CACNA1H: variants seen among roughly 807,000 people sequenced by gnomAD.
CACNA1H encodes the protein voltage-dependent T-type calcium channel subunit alpha-1H.
CACNA1H carries 149 observed loss-of-function variants against 192.5 expected under a neutral mutation model. The observed-to-expected ratio is 0.77, with a 90% CI of 0.68 to 0.89. The LOEUF (loss-of-function observed/expected upper bound fraction) is 0.89. Among genes scored for constraint, CACNA1H ranks in the 40% least tolerant of loss-of-function variants. CACNA1H has a pLI of 0.00. For missense variants in CACNA1H, 4,257 were observed against 3,423.5 expected (o/e 1.24, Z -6.08); for synonymous variants, 2,202 against 1,475.2 (o/e 1.49, Z -11.29).
chr16:1,200,864 G>T (rs1967786540), intron 8 of CACNA1H, 56 bp downstream of exon 8: 1 of 1,380,650 alleles, frequency 7.2e-7, no homozygotes, highest in Non-Finnish European at 1.0e-6. Context: ...CTGGCTGGGG[G>T]TGGGGTGGGG....
In CACNA1H at chr16:1,211,551, G is replaced by A. The variant is rs778592923; in HGVS notation, c.4421G>A (p.Arg1474Gln). Residue 1474 changes from arginine to glutamine, a missense_variant, in exon 23 of 35, where the codon CGG becomes CAG. Physicochemically the swap from Arg to Gln is conservative, Grantham distance 43. Coordinates refer to ENST00000348261, the MANE Select transcript of CACNA1H (RefSeq NM_021098.3). ...AACATCTCCACCAAGGCACAGTGCC[G>A]GGCCGCCCACTACCGCTGGGTGCGA... ...TRNISTKAQC[R>Q]AAHYRWVRRK... is the part of the protein sequence containing the mutation. The A allele has an allele frequency of 1.2e-5, 20 of 1,611,914 alleles. No homozygotes were observed. Among genetic ancestry groups the A allele is most frequent in the African/African-American group, 6.7e-5 (5 of 74,894 alleles).
intron 2 of CACNA1H, among the ~76,000 whole-genome samples, chr16:1,161,379 C>G (rs1226315625): frequency 6.6e-6 from 1 of 152,220 alleles, no homozygotes; most frequent in African/African-American, 2.4e-5. Flanking sequence ...CCCCAGCTGT[C>G]TGCACCTGGG....
At chr16:1,173,301 AG>A (rs1241720624) in intron 2 of CACNA1H, among the ~76,000 whole-genome samples, 1 of 152,060 alleles carries the variant, frequency 6.6e-6, no homozygotes, top group African/African-American at 2.4e-5. Context: ...AGCAGGCAAA[AG>A]GTGGCCAGAG....
chr16:1,174,640 A>G (rs1460818017), intron 2 of CACNA1H, among the ~76,000 whole-genome samples: 1 of 152,150 alleles, frequency 6.6e-6, no homozygotes, highest in African/African-American at 2.4e-5. Context: ...ACAGCAGAAC[A>G]GCGTGTGTCC....
intron 23 of CACNA1H, 51 bp from the exon 24 acceptor site, chr16:1,211,664 GC>G: frequency 6.2e-7 from 1 of 1,610,148 alleles, no homozygotes; most frequent in Middle Eastern, 1.7e-4. Flanking sequence ...GAGCGAGAGG[GC>G]CGGCGACCCC....
chr16:1,220,074 C>T lies in CACNA1H; in HGVS notation c.6142C>T (p.Pro2048Ser). Residue 2048 changes from proline (P) to serine (S), a missense_variant, in exon 35 of 35, where the codon CCG (proline) becomes TCG (serine). Coordinates refer to ENST00000348261, the MANE Select transcript of CACNA1H (RefSeq NM_021098.3). Reference sequence around the variant, plus strand: ...GCCTGGTGAGAAAACCCCGGTGAGGCCGGTGACCCAGGGGGGCTCCCTGCA... The same window carrying T: ...GCCTGGTGAGAAAACCCCGGTGAGGTCGGTGACCCAGGGGGGCTCCCTGCA... Reference protein sequence around the residue: ...AEPGEKTPVRPVTQGGSLQSP... With the variant: ...AEPGEKTPVRSVTQGGSLQSP... 2 of 1,445,618 alleles carry T rather than the reference C, an allele frequency of 1.4e-6. No individual in the cohort carries two copies. Among genetic ancestry groups the T allele is most frequent in the South Asian group, 1.6e-5 (1 of 62,116 alleles). The allele number at this position is 1,445,618 out of a possible 1,614,324, so 89.5% of individuals were successfully genotyped here. A position where few individuals can be genotyped will look rare whatever the true frequency, so the allele number is the denominator to read the frequency against.
intron 21 of CACNA1H, 23 bp from the exon 22 acceptor site, chr16:1,211,145 G>A (rs758718166): frequency 2.0e-5 from 33 of 1,610,886 alleles, no homozygotes; most frequent in Admixed American, 1.7e-4. Flanking sequence ...GATGACTGCA[G>A]TGTATCCTTC....
chr16:1,167,915 C>A lies in CACNA1H; in HGVS notation c.299+13879C>A, dbSNP rs112753295. ...TCAGTAAGCACTCGCCCCACCAGTG[C>A]GTGGAGCACGTGGGGCCTCAGGAGC... On this transcript the variant is annotated intron_variant, in intron 2 of 34. Transcript: ENST00000348261. This position sits in a 1 kb window ranked among gnomAD's most constrained non-coding sequence, Gnocchi z 4.2. 6.6e-6 allele frequency among the ~76,000 whole-genome samples: 1 copy of A among 152,206 alleles called. No individual in the cohort carries two copies. The highest frequency in any genetic ancestry group is 2.4e-5 in the African/African-American group (1 of 41,456).
At chr16:1,203,112 G>A (rs1472276564) in intron 9 of CACNA1H, among the ~76,000 whole-genome samples, 3 of 152,160 alleles carry the variant, frequency 2.0e-5, no homozygotes, top group Non-Finnish European at 2.9e-5. Context: ...CGAGGGTGCC[G>A]AGGGTGCCGG....
chr16:1,219,785 A>T (rs1450697775), intron 34 of CACNA1H, among the ~76,000 whole-genome samples, 196 bp from the exon 35 acceptor site: 1 of 85,960 alleles, frequency 1.2e-5, no homozygotes, highest in Non-Finnish European at 2.3e-5. Flanking sequence ...TTTCCCCGGG[A>T]GCCTCACAGG....
At chr16:1,203,733 C>G (rs1004384391) in intron 9 of CACNA1H, among the ~76,000 whole-genome samples, 1 of 152,212 alleles carries the variant, frequency 6.6e-6, no homozygotes. Flanking sequence ...CCTGCGGTCT[C>G]TCTGTCTTCA....
chr16:1,163,468 C>A (rs1460374820), intron 2 of CACNA1H, among the ~76,000 whole-genome samples: 1 of 152,238 alleles, frequency 6.6e-6, no homozygotes, highest in Non-Finnish European at 1.5e-5. Context: ...CACACACAGC[C>A]CGGCCTGCCT....
rs535225673 is a variant in CACNA1H, at chr16:1,193,156, C to T, written c.300-1816C>T. On this transcript the variant is annotated intron_variant, in intron 2 of 34. Coordinates refer to ENST00000348261, the MANE Select transcript of CACNA1H (RefSeq NM_021098.3). Reference sequence around the variant, plus strand: ...GGCCGGGTGTCTTTGAGCTCCTCCCCGCCAGCCTGTTCCGTTTACCCAAGA... The same window carrying T: ...GGCCGGGTGTCTTTGAGCTCCTCCCTGCCAGCCTGTTCCGTTTACCCAAGA... Among the ~76,000 whole-genome samples, 156 of 152,330 alleles carry T rather than the reference C, an allele frequency of 1.0e-3. 1 individual carries two copies. The highest frequency in any genetic ancestry group is 3.6e-3 in the African/African-American group (151 of 41,566).
chr16:1,164,999 G>T (rs1298674980), intron 2 of CACNA1H, among the ~76,000 whole-genome samples: 5 of 152,200 alleles, frequency 3.3e-5, no homozygotes, highest in African/African-American at 1.2e-4. Context: ...ACCTCAGGGT[G>T]ATTTGTCTCC....
rs781492972 is a variant in CACNA1H, at chr16:1,211,193, A to G, written c.4249A>G (p.Lys1417Glu). The G allele has an allele frequency of 1.2e-6, 2 of 1,612,930 alleles. No homozygotes were observed. The highest frequency in any genetic ancestry group is 1.7e-6 in the Non-Finnish European group (2 of 1,179,758). ...GGTCATCAGCCGGGCCCCGGGCCTC[A>G]AGCTGGTGGTGGAGACGCTGATATC... Reference protein sequence around the residue: ...LRVISRAPGLKLVVETLISSL... With the variant: ...LRVISRAPGLELVVETLISSL... The change falls in exon 22 of 35, where the codon AAG becomes GAG. Residue 1417 changes from lysine to glutamate, a missense_variant. By Grantham distance (56) the Lys-to-Glu change is moderately conservative (BLOSUM62 1). Transcript: ENST00000348261.
rs1596466567 is a variant in CACNA1H at position 1,213,928 on chromosome 16, C to G, written c.4926C>G (p.Pro1642=). The change falls in exon 27 of 35, where the codon CCC becomes CCG. Residue 1642 remains proline, a synonymous_variant. Coordinates refer to ENST00000348261, the MANE Select transcript of CACNA1H (RefSeq NM_021098.3). ...TGTCCATGGAGCACTATAACCAACC[C>G]AAGGTGGGTGCGAGGGGGCCGCGAG... ...ITMSMEHYNQ[P]KSLDEALKYC... 1.9e-6 allele frequency: 3 copies of G among 1,610,106 alleles called. No individual in the cohort carries two copies. The East Asian group carries it at 6.7e-5, about 36-fold the overall frequency.
chr16:1,206,454 G>C (rs568772394), intron 12 of CACNA1H, 165 bp downstream of exon 12: 13 of 650,738 alleles, frequency 2.0e-5, no homozygotes, highest in Non-Finnish European at 3.4e-5. Flanking sequence ...GCACTGATTG[G>C]GCCCCTACTG....
At chr16:1,191,303 T>C (rs62012323) in intron 2 of CACNA1H, among the ~76,000 whole-genome samples, 38 of 66,830 alleles carry the variant, frequency 5.7e-4, no homozygotes, top group African/African-American at 2.6e-3. Context: ...TCTCTCTTAC[T>C]CAGCAGGCTG....
chr16:1,210,343 A>ACCCCCCCCCCCCCCCCCC, intron 18 of CACNA1H, 27 bp from the exon 19 acceptor site: 1 of 233,804 alleles, frequency 4.3e-6, no homozygotes, highest in Non-Finnish European at 6.8e-6. Context: ...GCCCCGCCCC[A>ACCCCCCCCCCCCCCCCCC]CCTCTCACCC....
Sources: gnomAD v4.1 joint callset for allele counts (sites outside exome capture counted in the v4.1 genomes callset) on GRCh38, gnomAD v4.1.1 for gene constraint, Gnocchi (gnomAD v3.1) non-coding constraint, MANE v1.5 for transcripts, NCBI Gene and HGNC (gene_info 2026-07-23, HGNC 2026-07-21) for gene names.